RNF19A: variants seen among roughly 807,000 people sequenced by gnomAD.
RNF19A encodes the protein E3 ubiquitin-protein ligase RNF19A.
RNF19A carries 32 observed loss-of-function variants against 75.7 expected under a neutral mutation model. The observed-to-expected ratio is 0.42, with a 90% CI of 0.32 to 0.57. RNF19A has a LOEUF of 0.57. RNF19A is among the 20% of genes least tolerant of loss of function. The pLI, the probability that RNF19A is intolerant of heterozygous loss-of-function variation, is 0.10. For missense variants in RNF19A, 782 were observed against 1,036.3 expected (o/e 0.75, Z 3.37); for synonymous variants, 335 against 345.2 (o/e 0.97, Z 0.33).
chr8:100,261,441 T>A lies in RNF19A; in HGVS notation c.1682+101A>T. ...ATTACTATTTTGAACCTTGACATAG[T>A]AGGGTTATATATAATCATCATGCTT... On this transcript the variant is annotated intron_variant, in intron 8 of 9. Coordinates refer to ENST00000341084, the MANE Select transcript of RNF19A (RefSeq NM_183419.4). This position sits in a 1 kb window ranked among gnomAD's most constrained non-coding sequence, Gnocchi z 4.4. 2.9e-6 allele frequency: 3 copies of A among 1,025,698 alleles called. No homozygotes were observed. Among genetic ancestry groups the A allele is most frequent in the Non-Finnish European group, 4.5e-6 (3 of 672,666 alleles). 63.5% of individuals were successfully genotyped at this position (1,025,698 alleles called of 1,614,324 possible).
At chr8:100,288,798 C>T (rs1041992129) in intron 1 of RNF19A, among the ~76,000 whole-genome samples, 1 of 152,118 alleles carries the variant, frequency 6.6e-6, no homozygotes, top group Non-Finnish European at 1.5e-5. Context: ...CGGTGGCTCA[C>T]GCCTGTAATC....
rs1820454052 is a variant in RNF19A, at chr8:100,275,349, G to A, written c.675-188C>T. Among the ~76,000 whole-genome samples, 1 of 151,226 alleles carries A rather than the reference G, an allele frequency of 6.6e-6. No homozygotes were observed. The highest frequency in any genetic ancestry group is 2.4e-5 in the African/African-American group (1 of 41,168). On this transcript the variant is annotated intron_variant, in intron 2 of 9. Transcript: ENST00000341084. The surrounding 1 kb of genome is among the most constrained non-coding windows in gnomAD (Gnocchi z 4.3). ...AGTTTACAAATGAAGATATATAAAT[G>A]GTGTAAAATATTTTAAAAGTTCAAT...
chr8:100,270,152 T>A, intron 3 of RNF19A, 139 bp from the exon 4 acceptor site: 1 of 563,356 alleles, frequency 1.8e-6, no homozygotes. Context: ...CTGTTTTTAG[T>A]ATATAAAGCA....
intron 1 of RNF19A, among the ~76,000 whole-genome samples, chr8:100,320,122 C>T (rs969349083): frequency 2.0e-5 from 3 of 152,240 alleles, no homozygotes; most frequent in Non-Finnish European, 2.9e-5. Context: ...AGGCGTGAGC[C>T]ACTGTGCCTA....
At chr8:100,309,236 A>C in intron 1 of RNF19A, 1 of 829,218 alleles carries the variant, frequency 1.2e-6, no homozygotes, top group Non-Finnish European at 1.5e-6. Context: ...CCAAGGCTAC[A>C]CCATTTTGGT....
rs1819866222 is a variant in RNF19A at position 100,264,267 on chromosome 8, A to C, written c.1307-72T>G. 11 of 1,326,182 alleles carry C rather than the reference A, an allele frequency of 8.3e-6. No homozygotes were observed. In the South Asian group the frequency reaches 1.5e-4, roughly 18 times the overall value. The allele number at this position is 1,326,182 out of a possible 1,614,324, so 82.2% of individuals were successfully genotyped here. A position where few individuals can be genotyped will look rare whatever the true frequency, so the allele number is the denominator to read the frequency against. Reference sequence around the variant, plus strand: ...ACTCACAGAAACATGAGTTTTAGAAAGTCTTTTCAAGAGAGTCATACAGAG... The same window carrying C: ...ACTCACAGAAACATGAGTTTTAGAACGTCTTTTCAAGAGAGTCATACAGAG... On this transcript the variant is annotated intron_variant, in intron 6 of 9. Coordinates refer to ENST00000341084, the MANE Select transcript of RNF19A (RefSeq NM_183419.4). The surrounding 1 kb of genome is among the most constrained non-coding windows in gnomAD (Gnocchi z 4.7).
At chr8:100,272,387 T>C (rs1820300996) in intron 3 of RNF19A, among the ~76,000 whole-genome samples, 1 of 152,142 alleles carries the variant, frequency 6.6e-6, no homozygotes. Context: ...AACTAATTAT[T>C]ATACCAATTA....
At position 100,261,420 on chromosome 8, in the gene RNF19A, C is replaced by T. The variant is rs902066576; in HGVS notation, c.1682+122G>A. The T allele has an allele frequency of 2.1e-5, 18 of 876,258 alleles. No individual in the cohort carries two copies. Among genetic ancestry groups the T allele is most frequent in the Non-Finnish European group, 3.2e-5 (18 of 562,058 alleles). 54.3% of individuals were successfully genotyped at this position (876,258 alleles called of 1,614,324 possible). A position where few individuals can be genotyped will look rare whatever the true frequency, so the allele number is the denominator to read the frequency against. ...GCCCCAAATTTCATTTTTAACATTA[C>T]TATTTTGAACCTTGACATAGTAGGG... On this transcript the variant is annotated intron_variant, in intron 8 of 9. Transcript: ENST00000341084. The surrounding 1 kb of genome is among the most constrained non-coding windows in gnomAD (Gnocchi z 4.4).
intron 1 of RNF19A, among the ~76,000 whole-genome samples, chr8:100,316,384 G>A (rs1822376191): frequency 6.6e-6 from 1 of 152,188 alleles, no homozygotes; most frequent in Admixed American, 6.5e-5. Flanking sequence ...CGGGCAGCCT[G>A]CTTTTAGTCT....
Position 100,288,240 on chromosome 8 carries a change from T to C in RNF19A, c.-66A>G. On this transcript the variant is annotated 5_prime_UTR_variant, in exon 2 of 10. Transcript: ENST00000341084. ...TTCAGAGAATTCTTGAAAAGTTCGA[T>C]TTACAGAAGACTGCTATCATGGATG... 2.0e-6 allele frequency: 3 copies of C among 1,470,716 alleles called. No individual in the cohort carries two copies. Among genetic ancestry groups the C allele is most frequent in the South Asian group, 2.9e-5 (2 of 69,258 alleles). 91.1% of individuals were successfully genotyped at this position (1,470,716 alleles called of 1,614,324 possible). A position where few individuals can be genotyped will look rare whatever the true frequency, so the allele number is the denominator to read the frequency against.
rs543749611 is a variant in RNF19A, at chr8:100,287,076, T to A, written c.674+425A>T. Among the ~76,000 whole-genome samples the A allele has an allele frequency of 2.8e-4, 42 of 152,266 alleles. No homozygotes were observed. The highest frequency in any genetic ancestry group is 1.8e-3 in the Admixed American group (27 of 15,284). The stretch of plus-strand genomic sequence containing the variant: ...AGGTAGGTACCTTTCAAAAGGGCCA[T>A]TTATCTCATATGAGAAACATGTCAA... On this transcript the variant is annotated intron_variant, in intron 2 of 9. Transcript: ENST00000341084. This position sits in a 1 kb window ranked among gnomAD's most constrained non-coding sequence, Gnocchi z 4.1.
Position 100,261,485 on chromosome 8 carries a change from C to T in RNF19A, c.1682+57G>A. 7.3e-7 allele frequency: 1 copy of T among 1,373,760 alleles called. No homozygotes were observed. The highest frequency in any genetic ancestry group is 1.7e-5 in the Admixed American group (1 of 59,114). The allele number at this position is 1,373,760 out of a possible 1,614,324, so 85.1% of individuals were successfully genotyped here. On this transcript the variant is annotated intron_variant, in intron 8 of 9. Transcript: ENST00000341084. The surrounding 1 kb of genome is among the most constrained non-coding windows in gnomAD (Gnocchi z 4.4). ...CATGCTTTATGTTCAAAATTCTCAC[C>T]TAATTAATAATTTGTAGTTACCAGA...
rs1822500510 is a variant in RNF19A, at chr8:100,324,281, A to G, written c.-242-10909T>C. ...AATTTAGTGGCAAGCATTTTGGGGT[A>G]TAGAAACAATACTTGAGACTATTTT... On this transcript the variant is annotated intron_variant, in intron 1 of 3. Transcript: ENST00000519527. This position sits in a 1 kb window ranked among gnomAD's most constrained non-coding sequence, Gnocchi z 4.2. 3.3e-5 allele frequency among the ~76,000 whole-genome samples: 5 copies of G among 152,224 alleles called. No homozygotes were observed. Among genetic ancestry groups the G allele is most frequent in the Admixed American group, 3.3e-4 (5 of 15,284 alleles).
At chr8:100,273,471 T>A (rs1428151755) in intron 3 of RNF19A, among the ~76,000 whole-genome samples, 1 of 152,200 alleles carries the variant, frequency 6.6e-6, no homozygotes, top group Non-Finnish European at 1.5e-5. Flanking sequence ...AGCTGACATA[T>A]CCTAAAAGTT....
rs1346399224 is a variant in RNF19A at position 100,258,858 on chromosome 8, T to G, written c.2215A>C (p.Met739Leu). Residue 739 changes from methionine to leucine, a missense_variant, in exon 10 of 10, where the codon ATG (methionine) becomes CTG (leucine). Physicochemically the swap from Met to Leu is conservative, Grantham distance 15. This residue lies in a region of RNF19A where 442 missense variants were observed against 541.6 expected (regional missense o/e 0.82). Coordinates refer to ENST00000341084, the MANE Select transcript of RNF19A (RefSeq NM_183419.4). The surrounding 1 kb of genome is among the most constrained non-coding windows in gnomAD (Gnocchi z 4.3). ...SEFSCSDLES[M>L]KTSCSHGSSD... The stretch of plus-strand genomic sequence containing the variant: ...GAACCATGACTACAAGAAGTTTTCA[T>G]GCTTTCTAGGTCAGAACAACTAAAT... 6.2e-7 allele frequency: 1 copy of G among 1,614,048 alleles called. No individual in the cohort carries two copies. The highest frequency in any genetic ancestry group is 8.5e-7 in the Non-Finnish European group (1 of 1,180,032).
chr8:100,290,403 A>C (rs1472284990), intron 1 of RNF19A, among the ~76,000 whole-genome samples: 3 of 152,168 alleles, frequency 2.0e-5, no homozygotes, highest in Non-Finnish European at 2.9e-5. Context: ...TGCCCAGCCA[A>C]ACTTTCTTAA....
At chr8:100,295,081 A>C (rs917152834) in intron 1 of RNF19A, among the ~76,000 whole-genome samples, 1 of 152,250 alleles carries the variant, frequency 6.6e-6, no homozygotes, top group Admixed American at 6.5e-5. Flanking sequence ...CTTTCATTCC[A>C]GTACATTTAA....
intron 3 of RNF19A, among the ~76,000 whole-genome samples, chr8:100,274,408 A>C (rs140821883): frequency 6.6e-6 from 1 of 152,362 alleles, no homozygotes; most frequent in East Asian, 1.9e-4. Context: ...AGGAAAGAGA[A>C]GCAAATCAAT....
At chr8:100,316,574 A>C (rs1261566364) in intron 1 of RNF19A, among the ~76,000 whole-genome samples, 1 of 152,188 alleles carries the variant, frequency 6.6e-6, no homozygotes, top group Non-Finnish European at 1.5e-5. Context: ...CAGAGCAGCT[A>C]GATACAGAGC....
Sources: allele counts gnomAD v4.1 joint callset (sites outside exome capture counted in the v4.1 genomes callset), GRCh38; gene constraint gnomAD v4.1.1; regional missense constraint gnomAD v4.1.1; non-coding constraint Gnocchi (gnomAD v3.1); transcripts MANE v1.5; gene names NCBI Gene and HGNC (gene_info 2026-07-23, HGNC 2026-07-21).